The following CELF4 variants were observed in gnomAD, a reference collection of about 807,000 sequenced individuals.
CELF4 encodes CUG-BP- and ETR-3-like factor 4.
Under a neutral mutation model 59.9 loss-of-function variants are expected in CELF4, and 18 were observed. That is an observed-to-expected ratio of 0.30 (90% confidence interval 0.21 to 0.45). The LOEUF (loss-of-function observed/expected upper bound fraction) is 0.45, where lower values mean the gene tolerates loss of function less well. CELF4 is among the 20% of genes least tolerant of loss of function. CELF4 has a pLI of 1.00. For missense variants in CELF4, 456 were observed against 689.0 expected (o/e 0.66, Z 3.79); for synonymous variants, 261 against 267.1 (o/e 0.98, Z 0.22).
At chr18:37,396,622 T>C (rs1394353112) in intron 2 of CELF4, among the ~76,000 whole-genome samples, 1 of 152,016 alleles carries the variant, frequency 6.6e-6, no homozygotes, top group African/African-American at 2.4e-5. Context: ...CCTGGTTGAG[T>C]GAATGCAGCT....
intron 1 of CELF4, among the ~76,000 whole-genome samples, chr18:37,486,590 G>C (rs377541028): frequency 5.1e-4 from 77 of 152,328 alleles, no homozygotes; most frequent in African/African-American, 1.5e-3. Flanking sequence ...GGCTGAAGGT[G>C]GCTTGGGAGG....
At chr18:37,412,982 G>A (rs1295256600) in intron 2 of CELF4, among the ~76,000 whole-genome samples, 2 of 152,090 alleles carry the variant, frequency 1.3e-5, no homozygotes. Context: ...AGAAGGCTGC[G>A]GGGGCTGGGC....
At chr18:37,535,442 G>A (rs529420692) in intron 1 of CELF4, among the ~76,000 whole-genome samples, 3 of 152,062 alleles carry the variant, frequency 2.0e-5, no homozygotes, top group Non-Finnish European at 2.9e-5. Flanking sequence ...CAGACTTTCC[G>A]AGCAGCTCCC....
chr18:37,248,021 G>A (rs925077384), intron 12 of CELF4, among the ~76,000 whole-genome samples: 14 of 152,116 alleles, frequency 9.2e-5, no homozygotes, highest in Admixed American at 1.3e-4. Flanking sequence ...CTGTGTCCAC[G>A]GGGTCCATCT....
intron 3 of CELF4, among the ~76,000 whole-genome samples, chr18:37,315,680 C>A (rs1046553251): frequency 6.6e-6 from 1 of 152,186 alleles, no homozygotes. Context: ...TGCAGACACA[C>A]GCCCAGTTCC....
chr18:37,398,914 TA>T (rs1164810100), intron 2 of CELF4, among the ~76,000 whole-genome samples: 2 of 151,994 alleles, frequency 1.3e-5, no homozygotes, highest in Admixed American at 1.3e-4. Context: ...CGGGGGTGCA[TA>T]TAGATTTCAA....
chr18:37,486,840 T>C (rs2099882295), intron 1 of CELF4, among the ~76,000 whole-genome samples: 2 of 152,156 alleles, frequency 1.3e-5, no homozygotes, highest in African/African-American at 2.4e-5. Context: ...CACCACCTCC[T>C]CACCTGGTAT....
At chr18:37,313,216 G>A (rs1418581667) in intron 3 of CELF4, among the ~76,000 whole-genome samples, 1 of 152,204 alleles carries the variant, frequency 6.6e-6, no homozygotes, top group African/African-American at 2.4e-5. Flanking sequence ...TGCTGGACCT[G>A]GGAGGAGGCT....
At position 37,448,183 on chromosome 18, in the gene CELF4, G is replaced by A. The variant is rs1023117841; in HGVS notation, c.369+37342C>T. ...TGACATCAGCAGGAATTTGCTTCCC[G>A]GTTCAAACTGGAGGGAGTGGGTCTC... is the stretch of plus-strand genomic sequence containing the variant. On this transcript the variant is annotated intron_variant, in intron 2 of 12. Coordinates refer to ENST00000420428, the MANE Select transcript of CELF4 (RefSeq NM_020180.4). 8.5e-5 allele frequency among the ~76,000 whole-genome samples: 13 copies of A among 152,204 alleles called. 1 individual carries two copies. The highest frequency in any genetic ancestry group is 5.9e-4 in the Admixed American group (9 of 15,282).
intron 3 of CELF4, among the ~76,000 whole-genome samples, chr18:37,278,215 T>G (rs1054474879): frequency 2.6e-5 from 4 of 152,148 alleles, no homozygotes; most frequent in Admixed American, 2.0e-4. Context: ...GCTCCCCCTC[T>G]TCCTCCCCAT....
At chr18:37,493,212 T>C (rs76210527) in intron 1 of CELF4, among the ~76,000 whole-genome samples, 2,738 of 152,268 alleles carry the variant, frequency 0.018, 64 homozygotes, top group African/African-American at 0.063. Context: ...TCTGCTGCCT[T>C]CCCCCATGCC....
intron 2 of CELF4, among the ~76,000 whole-genome samples, chr18:37,442,007 C>T (rs11665165): frequency 0.34 from 33,733 of 98,908 alleles, 4,560 homozygotes; most frequent in South Asian, 0.53. Context: ...TCACCCAAAC[C>T]GCAAAGACCC....
chr18:37,283,312 G>A (rs532830392), intron 3 of CELF4, among the ~76,000 whole-genome samples: 10 of 152,106 alleles, frequency 6.6e-5, no homozygotes, highest in Admixed American at 4.6e-4. Context: ...AACAGCAGAG[G>A]GGGGCATTAA....
At chr18:37,497,334 A>G (rs191719983) in intron 1 of CELF4, among the ~76,000 whole-genome samples, 1 of 152,340 alleles carries the variant, frequency 6.6e-6, no homozygotes, top group African/African-American at 2.4e-5. Context: ...ACAATTTGCC[A>G]TGAAAGACAT....
At chr18:37,286,855 C>T (rs943625308) in intron 3 of CELF4, among the ~76,000 whole-genome samples, 3 of 152,202 alleles carry the variant, frequency 2.0e-5, no homozygotes, top group African/African-American at 7.2e-5. Flanking sequence ...CCTCCATTAC[C>T]ACCCAGTTGC....
chr18:37,406,152 A>G (rs2099387789), intron 2 of CELF4, among the ~76,000 whole-genome samples: 1 of 151,378 alleles, frequency 6.6e-6, no homozygotes, highest in South Asian at 2.1e-4. Context: ...TTTTTTTTAA[A>G]CTCCCCTGCA....
chr18:37,503,806 C>A (rs974184471), intron 1 of CELF4, among the ~76,000 whole-genome samples: 7 of 152,272 alleles, frequency 4.6e-5, no homozygotes, highest in African/African-American at 1.7e-4. Context: ...TACTGAGAGC[C>A]GCTTGAATGT....
rs533853605 is a variant in CELF4 at position 37,274,899 on chromosome 18, G to A, written c.578-15C>T. On this transcript the variant is annotated splice_polypyrimidine_tract_variant and intron_variant, in intron 4 of 12. Coordinates refer to ENST00000420428, the MANE Select transcript of CELF4 (RefSeq NM_020180.4). ...AAAGGCGCACCCTGCGAGGACGCGA[G>A]AGGCCGAGCTGGGACCCAGAAGCAG... 36 of 1,603,686 alleles carry A rather than the reference G, an allele frequency of 2.2e-5. No individual in the cohort carries two copies. Among genetic ancestry groups the A allele is most frequent in the Non-Finnish European group, 2.9e-5 (34 of 1,175,820 alleles).
At chr18:37,564,874 G>T (rs935793915) in intron 1 of CELF4, among the ~76,000 whole-genome samples, 1 of 151,920 alleles carries the variant, frequency 6.6e-6, no homozygotes, top group African/African-American at 2.4e-5. Context: ...CCTTTTAGAC[G>T]GCTGCGCTCC....
Sources: gnomAD v4.1 joint callset for allele counts (sites outside exome capture counted in the v4.1 genomes callset) on GRCh38, gnomAD v4.1.1 for gene constraint, MANE v1.5 for transcripts, NCBI Gene and HGNC (gene_info 2026-07-23, HGNC 2026-07-21) for gene names.